The following CFAP47 variants were observed in gnomAD, a reference collection of about 807,000 sequenced individuals.
The protein encoded by CFAP47 is cilia and flagella associated protein 47, also known as cilia- and flagella-associated protein 47.
In CFAP47, 29 loss-of-function variants were observed where a neutral mutation model predicts 148.1. The observed-to-expected ratio is 0.20, with a 90% CI of 0.15 to 0.27. CFAP47 has a LOEUF of 0.27. Among genes scored for constraint, CFAP47 ranks in the 10% least tolerant of loss-of-function variants. The probability of loss-of-function intolerance (pLI) is 1.00; values close to 1 mark genes in which losing one functional copy is unlikely to be tolerated. For synonymous variants in CFAP47, 664 were observed against 577.3 expected, an observed-to-expected ratio of 1.15 and a Z score of -2.15; for missense variants, 1,872 against 1,697.5, an observed-to-expected ratio of 1.10 and a Z score of -1.81.
intron 35 of CFAP47, among the ~76,000 whole-genome samples, chrX:36,143,014 A>G (rs1569271727): frequency 9.0e-6 from 1 of 111,137 alleles, no homozygotes; most frequent in Admixed American, 9.6e-5. Context: ...TGACAATTAA[A>G]CTCTGCATTT....
At chrX:36,380,213 A>C (rs1556023878) in intron 63 of CFAP47, among the ~76,000 whole-genome samples, 2 of 112,524 alleles carry the variant, frequency 1.8e-5, no homozygotes, top group South Asian at 3.6e-4. Flanking sequence ...TGTCATATAC[A>C]CACAACTCCT....
chrX:36,173,387 A>T (rs768649900), intron 39 of CFAP47, among the ~76,000 whole-genome samples: 1 of 110,778 alleles, frequency 9.0e-6, no homozygotes, highest in Non-Finnish European at 1.9e-5. Flanking sequence ...TTTAATTGTG[A>T]TGTTAGGGTA....
chrX:36,355,213 C>T (rs7886097), intron 60 of CFAP47, among the ~76,000 whole-genome samples: 1 of 109,277 alleles, frequency 9.2e-6, no homozygotes, highest in East Asian at 2.9e-4. Context: ...CAAAAAAAAA[C>T]GTGTTGATAA....
intron 5 of CFAP47, 53 bp downstream of exon 5, chrX:35,951,412 T>A (rs1260271466): frequency 6.5e-6 from 5 of 772,889 alleles, no homozygotes; most frequent in Non-Finnish European, 7.6e-6. Context: ...AAAGAGATTG[T>A]GTTAAATCTA....
intron 49 of CFAP47, among the ~76,000 whole-genome samples, chrX:36,266,764 G>A (rs188606451): frequency 2.7e-5 from 3 of 110,876 alleles, no homozygotes; most frequent in East Asian, 2.9e-4. Flanking sequence ...GATCAGATTC[G>A]CCCTGGTCCT....
chrX:36,211,616 T>A, intron 45 of CFAP47: 1 of 201,170 alleles, frequency 5.0e-6, no homozygotes, highest in South Asian at 6.3e-5. Flanking sequence ...AAGGAAAGCC[T>A]GATGCAGCAA....
At chrX:36,330,792 T>C (rs1255532127) in intron 57 of CFAP47, among the ~76,000 whole-genome samples, 1 of 111,685 alleles carries the variant, frequency 9.0e-6, no homozygotes, top group Non-Finnish European at 1.9e-5. Flanking sequence ...TAAGACTAAA[T>C]TGTCTGTGCC....
chrX:36,134,305 A>AAT (rs1296611489), intron 33 of CFAP47, among the ~76,000 whole-genome samples: 2 of 111,340 alleles, frequency 1.8e-5, no homozygotes, highest in Non-Finnish European at 3.8e-5. Flanking sequence ...AATATCAGTA[A>AAT]GTTGACTCTA....
At chrX:36,025,542 G>A (rs1937206452) in intron 22 of CFAP47, among the ~76,000 whole-genome samples, 1 of 111,251 alleles carries the variant, frequency 9.0e-6, no homozygotes, top group African/African-American at 3.3e-5. Flanking sequence ...TCAGGAGGCT[G>A]GGGCGCGAGT....
chrX:36,072,964 A>G (rs970257358), intron 28 of CFAP47, among the ~76,000 whole-genome samples, 175 bp from the exon 29 acceptor site: 5 of 112,151 alleles, frequency 4.5e-5, no homozygotes, highest in Non-Finnish European at 9.4e-5. Context: ...ACTTAAAAGT[A>G]AATGTATTTT....
intron 26 of CFAP47, among the ~76,000 whole-genome samples, chrX:36,050,499 A>AT (rs1283982330): frequency 3.9e-4 from 43 of 111,296 alleles, no homozygotes; most frequent in African/African-American, 1.4e-3. Flanking sequence ...GACTGATGGG[A>AT]TTTTGCCCCT....
intron 24 of CFAP47, among the ~76,000 whole-genome samples, chrX:36,037,542 C>T (rs1412249419): frequency 9.0e-6 from 1 of 111,117 alleles, no homozygotes; most frequent in Non-Finnish European, 1.9e-5. Context: ...CAACCTAACT[C>T]TTAAGAATCA....
intron 62 of CFAP47, among the ~76,000 whole-genome samples, chrX:36,374,098 G>A (rs888397272): frequency 1.1e-4 from 12 of 110,768 alleles, no homozygotes; most frequent in African/African-American, 3.9e-4. Flanking sequence ...TTATCTTTTG[G>A]AAGAGTTTAA....
chrX:36,371,922 G>GTA (rs1334899355), intron 62 of CFAP47, among the ~76,000 whole-genome samples: 1 of 54,458 alleles, frequency 1.8e-5, no homozygotes, highest in Non-Finnish European at 2.7e-5. Flanking sequence ...GTGTATATAT[G>GTA]TGTATATACA....
intron 57 of CFAP47, among the ~76,000 whole-genome samples, chrX:36,324,982 A>G (rs782002042): frequency 9.0e-6 from 1 of 111,495 alleles, no homozygotes; most frequent in South Asian, 3.7e-4. Flanking sequence ...TTACATCTAT[A>G]TCTAGATTTA....
chrX:36,269,601 G>A (rs1434241339), intron 49 of CFAP47, among the ~76,000 whole-genome samples: 1 of 112,309 alleles, frequency 8.9e-6, no homozygotes, highest in Non-Finnish European at 1.9e-5. Context: ...AGTGCTTGCT[G>A]GAAGGGATGG....
chrX:36,030,085 C>G (rs994568337), intron 22 of CFAP47, among the ~76,000 whole-genome samples: 1 of 110,029 alleles, frequency 9.1e-6, no homozygotes, highest in African/African-American at 3.3e-5. Context: ...TGCCTGTTTG[C>G]TCATGTTTAT....
At chrX:36,189,679 CAT>C (rs1396902796) in intron 41 of CFAP47, among the ~76,000 whole-genome samples, 1 of 111,874 alleles carries the variant, frequency 8.9e-6, no homozygotes, top group Admixed American at 9.5e-5. Context: ...GATAGATAAA[CAT>C]ATAGATAATA....
chrX:36,047,101 T>G, intron 26 of CFAP47, 38 bp downstream of exon 26: 1 of 882,534 alleles, frequency 1.1e-6, no homozygotes, highest in Non-Finnish European at 1.6e-6. Flanking sequence ...GTATCTGACA[T>G]TAAAGAATAA....
Sources: allele counts gnomAD v4.1 joint callset (sites outside exome capture counted in the v4.1 genomes callset), GRCh38; gene constraint gnomAD v4.1.1; transcripts MANE v1.5; gene names NCBI Gene and HGNC (gene_info 2026-07-23, HGNC 2026-07-21).